KCND2: variants seen among roughly 807,000 people sequenced by gnomAD.
KCND2 encodes potassium voltage-gated channel subfamily D member 2, also known as A-type voltage-gated potassium channel KCND2.
A neutral mutation model predicts 54.4 loss-of-function variants in KCND2; 16 were observed. The ratio of observed to expected loss-of-function variants is 0.29; its 90% confidence interval spans 0.20 to 0.45. The LOEUF (loss-of-function observed/expected upper bound fraction) is 0.45. KCND2 is among the 20% of genes least tolerant of loss of function. The probability of loss-of-function intolerance (pLI) is 1.00; values close to 1 mark genes in which losing one functional copy is unlikely to be tolerated. For synonymous variants in KCND2, 317 were observed against 310.7 expected (o/e 1.02, Z -0.21); for missense variants, 486 against 824.2 (o/e 0.59, Z 5.02).
chr7:120,279,972 G>A (rs1026550969), intron 1 of KCND2, among the ~76,000 whole-genome samples: 2 of 151,854 alleles, frequency 1.3e-5, no homozygotes, highest in African/African-American at 4.8e-5. Flanking sequence ...GAGACTTAAA[G>A]TTTACCCAGC....
intron 1 of KCND2, among the ~76,000 whole-genome samples, chr7:120,550,152 A>T (rs1233172827): frequency 6.6e-6 from 1 of 151,942 alleles, no homozygotes; most frequent in Admixed American, 6.6e-5. Context: ...ACCAATAATT[A>T]CAGGTTCTGC....
At chr7:120,597,703 C>T (rs1015560583) in intron 1 of KCND2, among the ~76,000 whole-genome samples, 11 of 152,128 alleles carry the variant, frequency 7.2e-5, no homozygotes, top group Admixed American at 1.3e-4. Context: ...AGTGAAACAA[C>T]CTAAGTGATT....
At chr7:120,409,971 G>C (rs1801422893) in intron 1 of KCND2, among the ~76,000 whole-genome samples, 2 of 151,730 alleles carry the variant, frequency 1.3e-5, no homozygotes, top group Admixed American at 1.3e-4. Flanking sequence ...CTTATCCAAA[G>C]TCACATAAAT....
chr7:120,672,772 G>A lies in KCND2; in HGVS notation c.1116-60131G>A, dbSNP rs190958993. On this transcript the variant is annotated intron_variant, in intron 1 of 5. Transcript: ENST00000331113. ...TAAAATATGACTGTATTTGGAGATA[G>A]GGATTTTAAAGAGGTGATTAATAAG... 5.3e-4 allele frequency: 80 copies of A among 152,198 alleles called. 1 individual carries two copies. Among genetic ancestry groups the A allele is most frequent in the African/African-American group, 1.8e-3 (76 of 41,542 alleles). The allele number at this position is 152,198 out of a possible 1,614,324, so 9.4% of individuals were successfully genotyped here.
rs1800147935 is a variant in KCND2, at chr7:120,336,081, A to G, written c.1115+60334A>G. 2.0e-5 allele frequency among the ~76,000 whole-genome samples: 3 copies of G among 151,800 alleles called. No individual in the cohort carries two copies. The South Asian group carries it at 6.2e-4, about 31-fold the overall frequency. On this transcript the variant is annotated intron_variant, in intron 1 of 5. Coordinates refer to ENST00000331113, the MANE Select transcript of KCND2 (RefSeq NM_012281.3). ...ACCATTATTTTTTAAGGTGGGATAA[A>G]CATATAGTTATATATTTTTTCTTTT... is the stretch of plus-strand genomic sequence containing the variant.
intron 1 of KCND2, among the ~76,000 whole-genome samples, chr7:120,276,470 T>A (rs757724070): frequency 2.6e-5 from 4 of 152,068 alleles, no homozygotes; most frequent in Non-Finnish European, 4.4e-5. Context: ...CATTTTTTTT[T>A]AGAATCTACA....
chr7:120,441,071 GA>G (rs113266031), intron 1 of KCND2, among the ~76,000 whole-genome samples: 7,309 of 147,738 alleles, frequency 0.049, 201 homozygotes, highest in Middle Eastern at 0.075. Context: ...TAATTTCATG[GA>G]AAAAAAAAAT....
chr7:120,747,955 T>C lies in KCND2; in HGVS notation c.*97T>C. 2.0e-6 allele frequency: 2 copies of C among 1,002,620 alleles called. No homozygotes were observed. The highest frequency in any genetic ancestry group is 2.8e-5 in the South Asian group (2 of 70,308). 62.1% of individuals were successfully genotyped at this position (1,002,620 alleles called of 1,614,324 possible). On this transcript the variant is annotated 3_prime_UTR_variant, in exon 6 of 6. Coordinates refer to ENST00000331113, the MANE Select transcript of KCND2 (RefSeq NM_012281.3). ...AAACAATAAATATTCTGCAGATTAA[T>C]GCAGCAAAGAAAGAAGGTTGGTAGT...
chr7:120,340,737 A>C (rs75475494), intron 1 of KCND2, among the ~76,000 whole-genome samples: 225 of 152,278 alleles, frequency 1.5e-3, no homozygotes, highest in African/African-American at 5.1e-3. Flanking sequence ...CAGAGGAAAC[A>C]CCTGATTGGA....
At chr7:120,392,010 A>G (rs567459284) in intron 1 of KCND2, among the ~76,000 whole-genome samples, 22 of 152,002 alleles carry the variant, frequency 1.4e-4, no homozygotes, top group African/African-American at 5.3e-4. Flanking sequence ...CCTGAATGAT[A>G]TTGCCTAGGT....
rs1584889149 is a variant in KCND2, at chr7:120,701,160, A to G, written c.1116-31743A>G. ...AAAGTTCTTTTCAACATTTCTGCAT[A>G]TATTTCACTGGCCAGAGCTTAGACC... is the stretch of plus-strand genomic sequence containing the variant. On this transcript the variant is annotated intron_variant, in intron 1 of 5. Transcript: ENST00000331113. Among the ~76,000 whole-genome samples, 4 of 144,664 alleles carry G rather than the reference A, an allele frequency of 2.8e-5. No homozygotes were observed. In the Middle Eastern group the frequency reaches 0.015, roughly 532 times the overall value. 94.9% of individuals were successfully genotyped at this position (144,664 alleles called of 152,430 possible).
chr7:120,679,722 A>G (rs1792115868), intron 1 of KCND2, among the ~76,000 whole-genome samples: 1 of 152,114 alleles, frequency 6.6e-6, no homozygotes. Flanking sequence ...CAAGTTCCAC[A>G]TTCTTTTTAA....
rs374944309 is a variant in KCND2 at position 120,372,475 on chromosome 7, C to T, written c.1115+96728C>T. Among the ~76,000 whole-genome samples the T allele has an allele frequency of 4.0e-5, 6 of 151,836 alleles. No individual in the cohort carries two copies. In the East Asian group the frequency reaches 5.8e-4, roughly 15 times the overall value. On this transcript the variant is annotated intron_variant, in intron 1 of 5. Transcript: ENST00000331113. ...AAAATCTGAATTCATTTTATTTACT[C>T]TGCAAATAATTTACTTCAATACATT...
chr7:120,626,098 G>A (rs1174116888), intron 1 of KCND2, among the ~76,000 whole-genome samples: 1 of 152,040 alleles, frequency 6.6e-6, no homozygotes, highest in East Asian at 1.9e-4. Flanking sequence ...TATTAAGAAT[G>A]TGTGGTCTGC....
intron 1 of KCND2, among the ~76,000 whole-genome samples, chr7:120,288,370 A>G (rs1799379674): frequency 6.6e-6 from 1 of 152,068 alleles, no homozygotes; most frequent in African/African-American, 2.4e-5. Context: ...ATTTGAAAGG[A>G]TTTACTTTCC....
chr7:120,745,644 T>C (rs1442228415), intron 4 of KCND2, 136 bp from the exon 5 acceptor site: 1 of 886,450 alleles, frequency 1.1e-6, no homozygotes, highest in Admixed American at 2.3e-5. Context: ...TCAATCTTTA[T>C]GAAAATGGTT....
chr7:120,497,105 T>C (rs778303221), intron 1 of KCND2, among the ~76,000 whole-genome samples: 2 of 152,218 alleles, frequency 1.3e-5, no homozygotes, highest in Non-Finnish European at 2.9e-5. Context: ...GTGTAGCATA[T>C]AAAAATAGTA....
chr7:120,534,426 A>T (rs1460537766), intron 1 of KCND2, among the ~76,000 whole-genome samples: 6 of 152,098 alleles, frequency 3.9e-5, no homozygotes, highest in African/African-American at 1.4e-4. Context: ...TTCTAAAACC[A>T]CCAAATGAGT....
chr7:120,290,258 C>G (rs59574653), intron 1 of KCND2, among the ~76,000 whole-genome samples: 1,943 of 152,084 alleles, frequency 0.013, 46 homozygotes, highest in African/African-American at 0.042. Context: ...CTTCTTCAAC[C>G]ACATATCCTC....
Sources: allele counts gnomAD v4.1 joint callset (sites outside exome capture counted in the v4.1 genomes callset), GRCh38; gene constraint gnomAD v4.1.1; transcripts MANE v1.5; gene names NCBI Gene and HGNC (gene_info 2026-07-23, HGNC 2026-07-21).